Variants in CDIN1 observed in about 807,000 individuals in gnomAD.
CDIN1 encodes the protein CDAN1 interacting nuclease 1.
In CDIN1, 33 loss-of-function variants were observed where a neutral mutation model predicts 45.3. The observed-to-expected ratio is 0.73, with a 90% confidence interval of 0.55 to 0.97. The LOEUF (loss-of-function observed/expected upper bound fraction) is 0.97, where lower values mean the gene tolerates loss of function less well. Ranked by LOEUF, CDIN1 falls within the 50% of genes least tolerant of loss-of-function variation. CDIN1 has a pLI of 0.00. For synonymous variants in CDIN1, 118 were observed against 124.4 expected, an observed-to-expected ratio of 0.95 and a Z score of 0.34; for missense variants, 303 against 339.4, an observed-to-expected ratio of 0.89 and a Z score of 0.84.
intron 5 of CDIN1, among the ~76,000 whole-genome samples, chr15:36,673,234 T>G (rs2041518098): frequency 6.6e-6 from 1 of 152,086 alleles, no homozygotes; most frequent in African/African-American, 2.4e-5. Flanking sequence ...AAAGGCCCAT[T>G]CATCATGTCC....
chr15:36,657,884 C>CA lies in CDIN1; in HGVS notation c.326dup (p.Glu110GlyfsTer14). The CA allele has an allele frequency of 6.2e-7, 1 of 1,611,898 alleles. No homozygotes were observed. On this transcript the variant is annotated frameshift_variant, in exon 5 of 11. Transcript: ENST00000566621. LOFTEE classifies it high-confidence loss of function. ...TCGGCTTATACTGGAGAGGTTTCTA[C>CA]AGGAACACGAGGAAACTCCACGTGA...
intron 9 of CDIN1, among the ~76,000 whole-genome samples, chr15:36,709,544 A>G (rs73381775): frequency 6.6e-6 from 1 of 152,140 alleles, no homozygotes; most frequent in Non-Finnish European, 1.5e-5. Flanking sequence ...CAAATTCCTT[A>G]AACATAGATC....
chr15:36,589,465 C>T (rs769760716), intron 1 of CDIN1, among the ~76,000 whole-genome samples: 1 of 151,790 alleles, frequency 6.6e-6, no homozygotes, highest in Non-Finnish European at 1.5e-5. Context: ...ATTTAAGCTG[C>T]TAGGGTGAAA....
chr15:36,710,102 C>A, intron 10 of CDIN1, 141 bp downstream of exon 10: 1 of 523,576 alleles, frequency 1.9e-6, no homozygotes, highest in Non-Finnish European at 3.2e-6. Context: ...GTATTCATTT[C>A]AGATAATTTA....
rs1367262152 is a variant in CDIN1 at position 36,619,115 on chromosome 15, AG to A, written c.102-25161del. On this transcript the variant is annotated intron_variant, in intron 1 of 10. Coordinates refer to ENST00000566621, the MANE Select transcript of CDIN1 (RefSeq NM_001321759.2). ...GAGAAGCCAGAAGCAAGGGCTAGTA[AG>A]GATTATTCTGGCTTCTGAGGCCATA... is the stretch of plus-strand genomic sequence containing the variant. 1.0e-5 allele frequency: 11 copies of A among 1,069,416 alleles called. No individual in the cohort carries two copies. In the African/African-American group the frequency reaches 1.6e-4, roughly 16 times the overall value. 66.2% of individuals were successfully genotyped at this position (1,069,416 alleles called of 1,614,324 possible). A position where few individuals can be genotyped will look rare whatever the true frequency, so the allele number is the denominator to read the frequency against.
At position 36,692,153 on chromosome 15, in the gene CDIN1, C is replaced by T. The variant is rs2042278822; in HGVS notation, c.454C>T (p.Pro152Ser). 2.5e-6 allele frequency: 4 copies of T among 1,613,792 alleles called. No homozygotes were observed. The highest frequency in any genetic ancestry group is 1.3e-5 in the African/African-American group (1 of 75,010). ...QCIVNDCCYG[P>S]LVDCIKHAIG... is the part of the protein sequence containing the mutation. ...CATTGTGAACGACTGCTGTTACGGA[C>T]CACTAGTGGACTGCATCAAGCAGTA... The change falls in exon 7 of 11, where the codon CCA becomes TCA. Residue 152 changes from proline (P) to serine (S), a missense_variant. Pro to Ser is a moderately conservative substitution (Grantham distance 74). Coordinates refer to ENST00000566621, the MANE Select transcript of CDIN1 (RefSeq NM_001321759.2).
At chr15:36,757,456 C>A (rs1418509445) in intron 10 of CDIN1, among the ~76,000 whole-genome samples, 1 of 152,136 alleles carries the variant, frequency 6.6e-6, no homozygotes, top group African/African-American at 2.4e-5. Context: ...CTTTCTAGTC[C>A]GAGGTTTTGC....
intron 10 of CDIN1, among the ~76,000 whole-genome samples, chr15:36,724,955 A>G (rs913580833): frequency 6.6e-6 from 1 of 152,132 alleles, no homozygotes; most frequent in African/African-American, 2.4e-5. Flanking sequence ...ATCACACTTG[A>G]AAGAAACCTT....
chr15:36,649,410 A>T (rs138916538), intron 3 of CDIN1, among the ~76,000 whole-genome samples: 135 of 152,186 alleles, frequency 8.9e-4, no homozygotes, highest in Middle Eastern at 3.4e-3. Flanking sequence ...CCTATTTGCC[A>T]GTTAAAACAA....
chr15:36,632,807 T>A (rs2039734916), intron 1 of CDIN1, among the ~76,000 whole-genome samples: 1 of 152,236 alleles, frequency 6.6e-6, no homozygotes, highest in Non-Finnish European at 1.5e-5. Flanking sequence ...TAAACATTTC[T>A]TACAAATCTA....
chr15:36,630,817 G>C (rs1028785129), intron 1 of CDIN1, among the ~76,000 whole-genome samples: 1 of 152,100 alleles, frequency 6.6e-6, no homozygotes, highest in Non-Finnish European at 1.5e-5. Flanking sequence ...TGGTGAGAGA[G>C]GAGGAGGAGG....
intron 10 of CDIN1, among the ~76,000 whole-genome samples, chr15:36,777,094 G>T (rs968504915): frequency 6.6e-6 from 1 of 152,064 alleles, no homozygotes; most frequent in Non-Finnish European, 1.5e-5. Flanking sequence ...TATCAGTAGG[G>T]ATTACCATTA....
At chr15:36,617,009 A>G (rs187563726) in intron 1 of CDIN1, 3 of 677,250 alleles carry the variant, frequency 4.4e-6, no homozygotes, top group Middle Eastern at 2.8e-4. Context: ...TTATTTAAAA[A>G]ATTTATTCTG....
At chr15:36,599,602 G>A (rs890573672) in intron 1 of CDIN1, among the ~76,000 whole-genome samples, 8 of 152,176 alleles carry the variant, frequency 5.3e-5, no homozygotes, top group Non-Finnish European at 1.5e-5. Context: ...GAGCTGCTAC[G>A]TGAACAGCTT....
intron 1 of CDIN1, among the ~76,000 whole-genome samples, chr15:36,584,281 A>G (rs560760718): frequency 6.6e-6 from 1 of 152,138 alleles, no homozygotes; most frequent in East Asian, 1.9e-4. Context: ...AAAAAAATTT[A>G]AAAATTAGCC....
chr15:36,667,383 A>G (rs2041287132), intron 5 of CDIN1, among the ~76,000 whole-genome samples: 1 of 152,202 alleles, frequency 6.6e-6, no homozygotes. Flanking sequence ...TGAGCTTTTA[A>G]ATTGTTATTG....
At chr15:36,687,487 A>G (rs2140676148) in intron 5 of CDIN1, among the ~76,000 whole-genome samples, 2 of 152,328 alleles carry the variant, frequency 1.3e-5, no homozygotes, top group Middle Eastern at 6.8e-3. Context: ...CAGAAGTATT[A>G]CCACTAGGTC....
At chr15:36,686,632 C>G (rs1333309529) in intron 5 of CDIN1, among the ~76,000 whole-genome samples, 1 of 151,054 alleles carries the variant, frequency 6.6e-6, no homozygotes, top group Non-Finnish European at 1.5e-5. Context: ...GTAATCTCAG[C>G]ACTTTCGGAG....
intron 1 of CDIN1, among the ~76,000 whole-genome samples, chr15:36,583,478 A>G (rs1314168981): frequency 6.6e-6 from 1 of 152,192 alleles, no homozygotes; most frequent in African/African-American, 2.4e-5. Flanking sequence ...CTTTAAAATG[A>G]AGGAGTAGGA....
Sources: allele counts gnomAD v4.1 joint callset (sites outside exome capture counted in the v4.1 genomes callset), GRCh38; gene constraint gnomAD v4.1.1; transcripts MANE v1.5; gene names NCBI Gene and HGNC (gene_info 2026-07-23, HGNC 2026-07-21).